Variants in SULT1A2 observed in about 807,000 individuals in gnomAD.
The protein encoded by SULT1A2 is sulfotransferase family 1A member 2.
In SULT1A2, 33 loss-of-function variants were observed where a neutral mutation model predicts 36.0. The ratio of observed to expected loss-of-function variants is 0.92; its 90% CI spans 0.69 to 1.22. SULT1A2 has a LOEUF of 1.22. Ranked by LOEUF, SULT1A2 falls within the 50% of genes most tolerant of loss-of-function variation. SULT1A2 has a pLI of 0.00. For synonymous variants in SULT1A2, 138 were observed against 144.5 expected (o/e 0.96, Z 0.32); for missense variants, 367 against 383.2 (o/e 0.96, Z 0.35).
intron 1 of SULT1A2, chr16:28,596,245 C>T: frequency 3.0e-6 from 4 of 1,314,228 alleles, no homozygotes; most frequent in Non-Finnish European, 3.9e-6. Flanking sequence ...TGAAGGTCTC[C>T]AGGAGAGTCC....
At chr16:28,592,612 T>C in intron 6 of SULT1A2, 169 bp from the exon 7 acceptor site, 1 of 1,279,782 alleles carries the variant, frequency 7.8e-7, no homozygotes, top group East Asian at 2.5e-5. Context: ...TGAATTGCTG[T>C]CTGCCCTGTG....
At chr16:28,592,899 C>T (rs1433358867) in intron 6 of SULT1A2, among the ~76,000 whole-genome samples, 1 of 152,096 alleles carries the variant, frequency 6.6e-6, no homozygotes, top group African/African-American at 2.4e-5. Context: ...GTAATCTCAG[C>T]TACTCAGGAG....
intron 6 of SULT1A2, among the ~76,000 whole-genome samples, chr16:28,592,673 T>G (rs1026427257): frequency 4.6e-5 from 7 of 152,028 alleles, no homozygotes; most frequent in Admixed American, 1.3e-4. Flanking sequence ...TGGGATGGTC[T>G]TCTTCCGTGC....
chr16:28,594,744 C>T (rs1649289353), intron 4 of SULT1A2, among the ~76,000 whole-genome samples: 1 of 143,578 alleles, frequency 7.0e-6, no homozygotes, highest in Admixed American at 7.2e-5. Flanking sequence ...TGAGCCACAA[C>T]AGGCCCAGCC....
Position 28,592,375 on chromosome 16 carries a change from G to A in SULT1A2, c.663C>T (p.Asp221=), listed in dbSNP as rs759357559. 6.2e-7 allele frequency: 1 copy of A among 1,613,936 alleles called. No homozygotes were observed. Among genetic ancestry groups the A allele is most frequent in the African/African-American group, 1.3e-5 (1 of 74,932 alleles). Residue 221 remains aspartate (D), a synonymous_variant, in exon 7 of 8, where the codon GAC becomes GAT. Transcript: ENST00000335715. ...TGAACGACGTGTGCTCAACCATGAG[G>A]TCCACAGTCTCCTCTGGCAGGGAGC... ...VGRSLPEETV[D]LMVEHTSFKE...
chr16:28,593,706 A>C, intron 4 of SULT1A2, 138 bp from the exon 5 acceptor site: 4 of 1,508,232 alleles, frequency 2.7e-6, no homozygotes, highest in Non-Finnish European at 3.6e-6. Flanking sequence ...AGGTAGGGCC[A>C]AGTCAGGATC....
rs757120457 is a variant in SULT1A2 at position 28,592,104 on chromosome 16, G to A, written c.812C>T (p.Ala271Val). 13 of 1,611,932 alleles carry A rather than the reference G, an allele frequency of 8.1e-6. No homozygotes were observed. The highest frequency in any genetic ancestry group is 4.4e-5 in the South Asian group (4 of 90,992). ...GTCCGCATCGAAGCGCTCATTCTGC[G>A]CCACGGTGAAGGTGGTCTTCCAGTC... is the stretch of plus-strand genomic sequence containing the variant. ...AGDWKTTFTV[A>V]QNERFDADYA... The change falls in exon 8 of 8, where the codon GCG becomes GTG. Residue 271 changes from alanine to valine, a missense_variant. Physicochemically the swap from Ala to Val is moderately conservative, Grantham distance 64. Transcript: ENST00000335715.
Position 28,592,013 on chromosome 16 carries a change from C to G in SULT1A2, c.*15G>C, listed in dbSNP as rs777196399. ...GATTCGCACACTCCCTCTGCAGTGA[C>G]TCCAGGAACCCCTCTCACAGCTCAG... On this transcript the variant is annotated 3_prime_UTR_variant, in exon 8 of 8. Coordinates refer to ENST00000335715, the MANE Select transcript of SULT1A2 (RefSeq NM_001054.4). The G allele has an allele frequency of 1.1e-5, 18 of 1,611,552 alleles. No individual in the cohort carries two copies. The East Asian group carries it at 4.0e-4, about 36-fold the overall frequency.
At position 28,591,955 on chromosome 16, in the gene SULT1A2, C is replaced by T; in HGVS notation, c.*73G>A. On this transcript the variant is annotated 3_prime_UTR_variant, in exon 8 of 8. Coordinates refer to ENST00000335715, the MANE Select transcript of SULT1A2 (RefSeq NM_001054.4). Reference sequence around the variant, plus strand: ...TAGAGACTCTGCATTGAACACAAATCATACTTTATTCTGGAGCCTCTTGGT... The same window carrying T: ...TAGAGACTCTGCATTGAACACAAATTATACTTTATTCTGGAGCCTCTTGGT... 6.2e-7 allele frequency: 1 copy of T among 1,609,294 alleles called. No homozygotes were observed. Among genetic ancestry groups the T allele is most frequent in the Admixed American group, 1.7e-5 (1 of 59,298 alleles).
chr16:28,595,290 T>C, intron 4 of SULT1A2, 77 bp downstream of exon 4: 1 of 1,573,836 alleles, frequency 6.4e-7, no homozygotes, highest in Admixed American at 1.8e-5. Flanking sequence ...CTGGAACTTC[T>C]GGCTTCAAGG....
chr16:28,592,615 GC>G, intron 6 of SULT1A2, 172 bp from the exon 7 acceptor site: 1 of 1,258,218 alleles, frequency 7.9e-7, no homozygotes, highest in Non-Finnish European at 1.1e-6. Flanking sequence ...ATTGCTGTCT[GC>G]CCTGTGATCC....
Position 28,595,868 on chromosome 16 carries a change from G to A in SULT1A2, c.63C>T (p.Ile21=), listed in dbSNP as rs375163310. The part of the protein sequence containing the change: ...PLEYVKGVPL[I]KYFAEALGPL... ...GCCCCAGTGCCTCTGCAAAGTACTT[G>A]ATGAGCGGGACCCCCTTCACGTACT... The change falls in exon 2 of 8, where the codon ATC becomes ATT. Residue 21 remains isoleucine, a synonymous_variant. Transcript: ENST00000335715. 2 of 1,611,132 alleles carry A rather than the reference G, an allele frequency of 1.2e-6. No individual in the cohort carries two copies. The highest frequency in any genetic ancestry group is 4.5e-5 in the East Asian group (2 of 44,860).
intron 6 of SULT1A2, 32 bp downstream of exon 6, chr16:28,593,220 C>CA (rs1486373512): frequency 6.2e-7 from 1 of 1,611,876 alleles, no homozygotes; most frequent in East Asian, 2.2e-5. Context: ...CCCCAGGTGT[C>CA]ACGTGGAGGG....
At position 28,595,689 on chromosome 16, in the gene SULT1A2, G is replaced by A. The variant is rs1439619690; in HGVS notation, c.149-14C>T. On this transcript the variant is annotated splice_polypyrimidine_tract_variant and intron_variant, in intron 2 of 7. Transcript: ENST00000335715. ...CCCAGGTGGTGCCTGGAGAGGGAGG[G>A]AGATGGGAGGTGAGCAGGCTGAGGT... 4 of 1,613,860 alleles carry A rather than the reference G, an allele frequency of 2.5e-6. No homozygotes were observed. Among genetic ancestry groups the A allele is most frequent in the Admixed American group, 1.7e-5 (1 of 60,000 alleles).
chr16:28,592,868 C>T (rs1262274848), intron 6 of SULT1A2, among the ~76,000 whole-genome samples: 1 of 152,118 alleles, frequency 6.6e-6, no homozygotes, highest in African/African-American at 2.4e-5. Context: ...AAAAATTAGC[C>T]AGGCATGGTA....
intron 6 of SULT1A2, 187 bp from the exon 7 acceptor site, chr16:28,592,630 C>G (rs2047007903): frequency 8.5e-7 from 1 of 1,180,556 alleles, no homozygotes. Flanking sequence ...GTGATCCCAT[C>G]ATGAGCTGGG....
chr16:28,591,994 C>T lies in SULT1A2; in HGVS notation c.*34G>A, dbSNP rs200409061. ...GAGCCTCTTGGTCAGGCTTGATTCGCACACTCCCTCTGCAGTGACTCCAGG... is the reference window on the plus strand; with the variant it reads ...GAGCCTCTTGGTCAGGCTTGATTCGTACACTCCCTCTGCAGTGACTCCAGG... On this transcript the variant is annotated 3_prime_UTR_variant, in exon 8 of 8. Transcript: ENST00000335715. 3 of 1,611,944 alleles carry T rather than the reference C, an allele frequency of 1.9e-6. No individual in the cohort carries two copies. The African/African-American group carries it at 4.0e-5, about 21-fold the overall frequency.
At chr16:28,595,961 G>C in intron 1 of SULT1A2, 27 bp from the exon 2 acceptor site, 2 of 1,601,418 alleles carry the variant, frequency 1.2e-6, no homozygotes, top group Non-Finnish European at 1.7e-6. Flanking sequence ...AGCCAGGCCC[G>C]TTCCCTTACC....
rs1372928877 is a variant in SULT1A2, at chr16:28,593,312, C to G, written c.534G>C (p.Glu178Asp). 3.7e-6 allele frequency: 6 copies of G among 1,614,064 alleles called. No homozygotes were observed. The highest frequency in any genetic ancestry group is 1.6e-4 in the Middle Eastern group (1 of 6,078). ...GGTGGGTGCGGCTCAGCTCCCACCA[C>G]TCTTGCACGTGCTGGTACCAGGACC... ...SYGSWYQHVQ[E>D]WWELSRTHPV... is the part of the protein sequence containing the mutation. Residue 178 changes from glutamate (E) to aspartate (D), a missense_variant, in exon 6 of 8, where the codon GAG (glutamate) becomes GAC (aspartate). Coordinates refer to ENST00000335715, the MANE Select transcript of SULT1A2 (RefSeq NM_001054.4).
Sources: gnomAD v4.1 joint callset for allele counts (sites outside exome capture counted in the v4.1 genomes callset) on GRCh38, gnomAD v4.1.1 for gene constraint, MANE v1.5 for transcripts, NCBI Gene and HGNC (gene_info 2026-07-23, HGNC 2026-07-21) for gene names.